Variants in KCNH8 observed in about 807,000 individuals in gnomAD.
KCNH8 encodes the protein potassium voltage-gated channel subfamily H member 8.
A neutral mutation model predicts 103.6 loss-of-function variants in KCNH8; 70 were observed. The observed-to-expected ratio is 0.68, with a 90% CI of 0.56 to 0.82. The LOEUF is 0.82. Ranked by LOEUF, KCNH8 falls within the 40% of genes least tolerant of loss-of-function variation. The pLI, the probability that KCNH8 is intolerant of heterozygous loss-of-function variation, is 0.00. For missense variants in KCNH8, 1,217 were observed against 1,329.9 expected (o/e 0.92, Z 1.32); for synonymous variants, 498 against 489.4 (o/e 1.02, Z -0.23).
intron 15 of KCNH8, among the ~76,000 whole-genome samples, chr3:19,528,545 G>A (rs113906697): frequency 6.4e-4 from 98 of 152,058 alleles, no homozygotes; most frequent in Non-Finnish European, 9.0e-4. Context: ...TAAAATGAAG[G>A]GATAGTCAAG....
At chr3:19,255,652 GAAATA>G (rs2064337164) in intron 2 of KCNH8, among the ~76,000 whole-genome samples, 1 of 151,620 alleles carries the variant, frequency 6.6e-6, no homozygotes, top group Admixed American at 6.6e-5. Flanking sequence ...AAGTTAAAAT[GAAATA>G]AAATTAAATT....
At chr3:19,153,486 T>C (rs976350284) in intron 1 of KCNH8, among the ~76,000 whole-genome samples, 1 of 152,116 alleles carries the variant, frequency 6.6e-6, no homozygotes, top group Non-Finnish European at 1.5e-5. Flanking sequence ...AGAAGCATAT[T>C]GAGGATCCTG....
chr3:19,459,692 C>T (rs559409113), intron 11 of KCNH8, among the ~76,000 whole-genome samples: 1 of 152,016 alleles, frequency 6.6e-6, no homozygotes, highest in East Asian at 1.9e-4. Context: ...TGTCATGGAG[C>T]TTTCCCCTAT....
intron 7 of KCNH8, among the ~76,000 whole-genome samples, chr3:19,398,522 G>A (rs2066559221): frequency 6.6e-6 from 1 of 151,944 alleles, no homozygotes; most frequent in South Asian, 2.1e-4. Context: ...GTAGATACCA[G>A]ATCTTTAAAG....
chr3:19,364,259 G>A (rs148969077), intron 5 of KCNH8, among the ~76,000 whole-genome samples: 12 of 152,208 alleles, frequency 7.9e-5, no homozygotes, highest in East Asian at 1.9e-4. Context: ...AGCCTTAAGC[G>A]TGTTGAGGAG....
intron 3 of KCNH8, among the ~76,000 whole-genome samples, chr3:19,292,655 T>TG (rs1305745959): frequency 6.6e-6 from 1 of 152,182 alleles, no homozygotes; most frequent in Non-Finnish European, 1.5e-5. Context: ...TCTGTAATAC[T>TG]GGTGGGCACT....
At chr3:19,465,053 A>C (rs1353176034) in intron 11 of KCNH8, among the ~76,000 whole-genome samples, 1 of 152,184 alleles carries the variant, frequency 6.6e-6, no homozygotes, top group Non-Finnish European at 1.5e-5. Context: ...CTTTTCTTTT[A>C]TTCTGCTTCT....
intron 2 of KCNH8, among the ~76,000 whole-genome samples, chr3:19,267,332 G>A (rs1018413469): frequency 6.6e-6 from 1 of 152,024 alleles, no homozygotes; most frequent in Non-Finnish European, 1.5e-5. Flanking sequence ...AATGTGAAAA[G>A]AATACGTATT....
chr3:19,313,147 T>C (rs1488720171), intron 3 of KCNH8, among the ~76,000 whole-genome samples: 24 of 151,766 alleles, frequency 1.6e-4, no homozygotes, highest in Non-Finnish European at 5.9e-5. Flanking sequence ...TGCTAAGGAG[T>C]TTGGTCTTTA....
chr3:19,331,772 T>C (rs943299532), intron 3 of KCNH8, among the ~76,000 whole-genome samples: 2 of 152,190 alleles, frequency 1.3e-5, no homozygotes, highest in African/African-American at 4.8e-5. Flanking sequence ...TAAGTTATTG[T>C]AAAATGTACA....
chr3:19,344,370 C>T (rs2065701806), intron 4 of KCNH8, among the ~76,000 whole-genome samples: 1 of 151,984 alleles, frequency 6.6e-6, no homozygotes, highest in South Asian at 2.1e-4. Context: ...CTATTTTTCC[C>T]TTTAGATTCA....
intron 1 of KCNH8, among the ~76,000 whole-genome samples, chr3:19,224,396 A>C (rs1033917537): frequency 6.6e-6 from 1 of 152,112 alleles, no homozygotes; most frequent in African/African-American, 2.4e-5. Context: ...CCTAAACCAT[A>C]CTTGTTTTGA....
At chr3:19,148,886 C>T in intron 1 of KCNH8, 91 bp downstream of exon 1, 1 of 1,136,398 alleles carries the variant, frequency 8.8e-7, no homozygotes, top group South Asian at 1.2e-5. Context: ...CCCTTTTGCA[C>T]CAGCGGAGTG....
rs1030304658 is a variant in KCNH8 at position 19,452,943 on chromosome 3, A to G, written c.1825+1539A>G. Among the ~76,000 whole-genome samples the G allele has an allele frequency of 5.3e-5, 8 of 152,314 alleles. No individual in the cohort carries two copies. In the South Asian group the frequency reaches 1.7e-3, roughly 32 times the overall value. ...ACTATTTATGATATCAACAATATGGAATCAACCTAAGTGTTCATCATTGGA... is the reference window on the plus strand; with the variant it reads ...ACTATTTATGATATCAACAATATGGGATCAACCTAAGTGTTCATCATTGGA... On this transcript the variant is annotated intron_variant, in intron 10 of 15. Transcript: ENST00000328405.
At chr3:19,485,484 C>A (rs777498259) in intron 11 of KCNH8, among the ~76,000 whole-genome samples, 27 of 152,164 alleles carry the variant, frequency 1.8e-4, no homozygotes, top group Admixed American at 3.9e-4. Flanking sequence ...GAAGTACTGG[C>A]CTAACAACTT....
chr3:19,273,777 G>T (rs1265378521), intron 2 of KCNH8, among the ~76,000 whole-genome samples: 1 of 152,176 alleles, frequency 6.6e-6, no homozygotes, highest in Non-Finnish European at 1.5e-5. Context: ...ACTGGCAGCA[G>T]CACCAGTGGT....
chr3:19,267,541 G>A (rs1403441174), intron 2 of KCNH8, among the ~76,000 whole-genome samples: 1 of 152,054 alleles, frequency 6.6e-6, no homozygotes, highest in Non-Finnish European at 1.5e-5. Context: ...TAGTGGGTTA[G>A]AATGGAAAAA....
chr3:19,342,600 A>G lies in KCNH8; in HGVS notation c.456A>G (p.Gly152=). The change falls in exon 4 of 16, where the codon GGA becomes GGG. Residue 152 remains glycine, a synonymous_variant. Transcript: ENST00000328405. The part of the protein sequence containing the change: ...PEDKKEDKVK[G]RSRAGTHFDS... ...ATTTTCCCCCAGACAAAGTCAAAGG[A>G]AGATCAAGAGCAGGGACCCACTTTG... 1 of 1,610,390 alleles carries G rather than the reference A, an allele frequency of 6.2e-7. No homozygotes were observed. Among genetic ancestry groups the G allele is most frequent in the Non-Finnish European group, 8.5e-7 (1 of 1,177,494 alleles).
At chr3:19,400,015 C>T (rs891191735) in intron 7 of KCNH8, among the ~76,000 whole-genome samples, 5 of 151,574 alleles carry the variant, frequency 3.3e-5, no homozygotes, top group Non-Finnish European at 5.9e-5. Context: ...AGATCCTGTG[C>T]GGGAGTCCTA....
Sources: gnomAD v4.1 joint callset for allele counts (sites outside exome capture counted in the v4.1 genomes callset) on GRCh38, gnomAD v4.1.1 for gene constraint, MANE v1.5 for transcripts, NCBI Gene and HGNC (gene_info 2026-07-23, HGNC 2026-07-21) for gene names.